HHAT: variants seen among roughly 807,000 people sequenced by gnomAD.
The protein encoded by HHAT is protein-cysteine N-palmitoyltransferase HHAT.
A neutral mutation model predicts 70.8 loss-of-function variants in HHAT; 47 were observed. That is an observed-to-expected ratio of 0.66 (90% CI 0.53 to 0.85). HHAT has a LOEUF of 0.85. Among genes scored for constraint, HHAT ranks in the 40% least tolerant of loss-of-function variants. HHAT has a pLI of 0.00. For synonymous variants in HHAT, 228 were observed against 247.6 expected (o/e 0.92, Z 0.74); for missense variants, 609 against 604.8 (o/e 1.01, Z -0.07).
At chr1:210,374,492 A>G (rs2090016408) in intron 3 of HHAT, among the ~76,000 whole-genome samples, 1 of 152,204 alleles carries the variant, frequency 6.6e-6, no homozygotes, top group Non-Finnish European at 1.5e-5. Context: ...ATGTTGAGTC[A>G]TCACCTTGAG....
intron 6 of HHAT, among the ~76,000 whole-genome samples, chr1:210,415,371 A>G (rs904056520): frequency 1.3e-5 from 2 of 152,146 alleles, no homozygotes; most frequent in African/African-American, 4.8e-5. Context: ...GTAAGGATTC[A>G]AATGAAAACC....
chr1:210,428,674 G>C (rs933556495), intron 7 of HHAT, among the ~76,000 whole-genome samples: 3 of 151,538 alleles, frequency 2.0e-5, no homozygotes, highest in Non-Finnish European at 2.9e-5. Context: ...TAAACTAAAA[G>C]TTAAATCAAA....
chr1:210,426,115 G>A (rs576253269), intron 7 of HHAT, among the ~76,000 whole-genome samples: 4 of 152,166 alleles, frequency 2.6e-5, no homozygotes, highest in East Asian at 3.8e-4. Context: ...GTTGTGAATG[G>A]TAATTTGTTG....
At chr1:210,556,758 C>T (rs1421285933) in intron 9 of HHAT, among the ~76,000 whole-genome samples, 1 of 152,160 alleles carries the variant, frequency 6.6e-6, no homozygotes, top group Non-Finnish European at 1.5e-5. Context: ...ATATAATTTG[C>T]CCAAGAATAA....
intron 9 of HHAT, among the ~76,000 whole-genome samples, chr1:210,558,772 T>C (rs1367795522): frequency 2.6e-5 from 4 of 152,176 alleles, no homozygotes; most frequent in Non-Finnish European, 5.9e-5. Flanking sequence ...ATTCAGAATT[T>C]TGCCAGTTAT....
intron 9 of HHAT, among the ~76,000 whole-genome samples, chr1:210,573,873 C>T (rs990789023): frequency 1.3e-5 from 2 of 152,058 alleles, no homozygotes; most frequent in Admixed American, 6.6e-5. Flanking sequence ...CTTTTGTTTA[C>T]AGGGAGTGAC....
intron 8 of HHAT, among the ~76,000 whole-genome samples, chr1:210,478,235 G>A (rs2094335830): frequency 6.6e-6 from 1 of 152,144 alleles, no homozygotes; most frequent in African/African-American, 2.4e-5. Flanking sequence ...TTTTTTGTGT[G>A]TTTCATTTTC....
chr1:210,454,082 G>A (rs950888471), intron 7 of HHAT, among the ~76,000 whole-genome samples: 10 of 152,176 alleles, frequency 6.6e-5, no homozygotes, highest in Admixed American at 2.6e-4. Context: ...CACGAGAATA[G>A]CGTGGGAAAG....
chr1:210,407,362 A>G (rs898268680), intron 6 of HHAT, among the ~76,000 whole-genome samples: 1 of 152,248 alleles, frequency 6.6e-6, no homozygotes, highest in African/African-American at 2.4e-5. Context: ...AGGTCAATGC[A>G]TAAAAATAAC....
intron 6 of HHAT, among the ~76,000 whole-genome samples, chr1:210,413,783 A>G (rs1026721398): frequency 6.6e-6 from 1 of 152,196 alleles, no homozygotes; most frequent in Non-Finnish European, 1.5e-5. Flanking sequence ...ACTACTGCTC[A>G]GCTATTCTTT....
At chr1:210,412,310 C>T (rs1324566110) in intron 6 of HHAT, among the ~76,000 whole-genome samples, 1 of 152,172 alleles carries the variant, frequency 6.6e-6, no homozygotes. Flanking sequence ...GCAAAATACA[C>T]TCATTCCATC....
chr1:210,633,174 A>T (rs1671208721), intron 11 of HHAT, among the ~76,000 whole-genome samples: 1 of 152,186 alleles, frequency 6.6e-6, no homozygotes, highest in Non-Finnish European at 1.5e-5. Context: ...TGGGGTAGGG[A>T]GAGGTACTGA....
At chr1:210,467,362 G>T (rs1380164341) in intron 8 of HHAT, among the ~76,000 whole-genome samples, 2 of 152,216 alleles carry the variant, frequency 1.3e-5, no homozygotes, top group Non-Finnish European at 2.9e-5. Context: ...GTAGGAGGAG[G>T]TTGACCATGT....
At chr1:210,380,197 G>A (rs1046306729) in intron 3 of HHAT, among the ~76,000 whole-genome samples, 2 of 152,080 alleles carry the variant, frequency 1.3e-5, no homozygotes, top group African/African-American at 2.4e-5. Flanking sequence ...AGACCCTGTC[G>A]GAAAGGAGCT....
At chr1:210,467,998 A>G (rs112317980) in intron 8 of HHAT, among the ~76,000 whole-genome samples, 2,158 of 152,246 alleles carry the variant, frequency 0.014, 65 homozygotes, top group African/African-American at 0.049. Context: ...AAAAATTGCA[A>G]TTCACCAAGA....
chr1:210,329,281 C>T (rs2084772406), intron 1 of HHAT, 177 bp downstream of exon 1: 4 of 1,224,616 alleles, frequency 3.3e-6, no homozygotes, highest in Non-Finnish European at 4.1e-6. Context: ...AAGACAAAAG[C>T]GGCGGGGGCC....
At chr1:210,359,977 C>A (rs930414060) in intron 2 of HHAT, among the ~76,000 whole-genome samples, 1 of 152,134 alleles carries the variant, frequency 6.6e-6, no homozygotes, top group Non-Finnish European at 1.5e-5. Flanking sequence ...TTCTCTATTG[C>A]AATTCCTCTG....
chr1:210,351,806 G>A (rs925067751), intron 2 of HHAT, among the ~76,000 whole-genome samples: 1 of 152,210 alleles, frequency 6.6e-6, no homozygotes, highest in Non-Finnish European at 1.5e-5. Flanking sequence ...GGTTCCAGCT[G>A]TTGCACGTGC....
chr1:210,529,536 T>C (rs2095291191), intron 9 of HHAT, among the ~76,000 whole-genome samples: 2 of 152,178 alleles, frequency 1.3e-5, no homozygotes, highest in African/African-American at 4.8e-5. Context: ...TTACGTACTC[T>C]GCCTCCTCAA....
Sources: gnomAD v4.1 joint callset for allele counts (sites outside exome capture counted in the v4.1 genomes callset) on GRCh38, gnomAD v4.1.1 for gene constraint, MANE v1.5 for transcripts, NCBI Gene and HGNC (gene_info 2026-07-23, HGNC 2026-07-21) for gene names.